The following ACVR1C variants were observed in gnomAD, a reference collection of about 807,000 sequenced individuals.
The protein encoded by ACVR1C is activin receptor type-1C.
ACVR1C carries 23 observed loss-of-function variants against 57.9 expected under a neutral mutation model. The observed-to-expected ratio is 0.40, with a 90% CI of 0.29 to 0.56. The LOEUF is 0.56. Among genes scored for constraint, ACVR1C ranks in the 20% least tolerant of loss-of-function variants. The pLI, the probability that ACVR1C is intolerant of heterozygous loss-of-function variation, is 0.50. For missense variants in ACVR1C, 480 were observed against 607.9 expected (o/e 0.79, Z 2.21); for synonymous variants, 214 against 215.3 (o/e 0.99, Z 0.05).
chr2:157,583,078 C>T (rs571457870), intron 2 of ACVR1C, among the ~76,000 whole-genome samples: 1 of 152,212 alleles, frequency 6.6e-6, no homozygotes, highest in South Asian at 2.1e-4. Flanking sequence ...CCAGGCTGGT[C>T]TCATACTCCC....
chr2:157,555,205 G>A (rs1253679988), intron 3 of ACVR1C, among the ~76,000 whole-genome samples: 1 of 136,484 alleles, frequency 7.3e-6, no homozygotes, highest in Non-Finnish European at 1.5e-5. Flanking sequence ...TGCAAGCTCC[G>A]CTTCCCGGGT....
At chr2:157,540,747 C>A (rs1687608139) in intron 7 of ACVR1C, among the ~76,000 whole-genome samples, 1 of 152,202 alleles carries the variant, frequency 6.6e-6, no homozygotes, top group East Asian at 1.9e-4. Flanking sequence ...CCCTTCAAGT[C>A]CTGTTGCCTC....
chr2:157,544,394 AC>A (rs1687692766), intron 5 of ACVR1C, 50 bp downstream of exon 5: 1 of 1,480,250 alleles, frequency 6.8e-7, no homozygotes, highest in African/African-American at 1.4e-5. Context: ...ATAACTAAGT[AC>A]CTCTATCCTC....
intron 7 of ACVR1C, 122 bp downstream of exon 7, chr2:157,540,968 T>C: frequency 1.7e-6 from 2 of 1,207,880 alleles, no homozygotes; most frequent in Non-Finnish European, 2.3e-6. Context: ...CACCAAAAGG[T>C]ATTCTCTTAA....
chr2:157,617,143 C>A (rs773223085), intron 1 of ACVR1C, among the ~76,000 whole-genome samples: 2 of 151,860 alleles, frequency 1.3e-5, no homozygotes, highest in Non-Finnish European at 2.9e-5. Flanking sequence ...AGAAAATTGG[C>A]ATGGTTATAT....
chr2:157,597,517 A>G lies in ACVR1C; in HGVS notation c.74-10100T>C, dbSNP rs922518875. 4 of 985,266 alleles carry G rather than the reference A, an allele frequency of 4.1e-6. No homozygotes were observed. In the African/African-American group the frequency reaches 7.0e-5, roughly 17 times the overall value. 61.0% of individuals were successfully genotyped at this position (985,266 alleles called of 1,614,324 possible). ...TGGCGCAGTGAATTCGGCCCCGACG[A>G]CAGCTCCCGCGGGGCTCGGCCACCT... On this transcript the variant is annotated intron_variant, in intron 1 of 8. Coordinates refer to ENST00000243349, the MANE Select transcript of ACVR1C (RefSeq NM_145259.3).
In ACVR1C at chr2:157,612,199, C is replaced by T. The variant is rs138063722; in HGVS notation, c.73+16373G>A. 4.1e-3 allele frequency among the ~76,000 whole-genome samples: 631 copies of T among 152,238 alleles called. 4 individuals are homozygous for T. The highest frequency in any genetic ancestry group is 0.014 in the African/African-American group (598 of 41,528). The stretch of plus-strand genomic sequence containing the variant: ...GTTCTGGGTAGCACTTACTTCAGCT[C>T]CTGGCTGCAGAAGTGACTGCAATGT... On this transcript the variant is annotated intron_variant, in intron 1 of 8. Transcript: ENST00000243349.
chr2:157,550,073 T>A, intron 4 of ACVR1C, 89 bp downstream of exon 4: 1 of 1,076,798 alleles, frequency 9.3e-7, no homozygotes, highest in Non-Finnish European at 1.3e-6. Context: ...TTTTTTCTTA[T>A]CTGATACTAG....
At chr2:157,544,811 T>C (rs548253226) in intron 4 of ACVR1C, among the ~76,000 whole-genome samples, 199 bp from the exon 5 acceptor site, 132 of 152,344 alleles carry the variant, frequency 8.7e-4, no homozygotes, top group South Asian at 6.6e-3. Flanking sequence ...ACTTGTTATA[T>C]GTGCCCACCA....
chr2:157,546,420 A>C (rs967884172), intron 4 of ACVR1C, among the ~76,000 whole-genome samples: 1 of 152,238 alleles, frequency 6.6e-6, no homozygotes, highest in Admixed American at 6.5e-5. Context: ...CTAAATGCTA[A>C]GCCTCTCTTT....
At chr2:157,626,728 A>C (rs1176541804) in intron 1 of ACVR1C, among the ~76,000 whole-genome samples, 5 of 152,270 alleles carry the variant, frequency 3.3e-5, no homozygotes, top group Admixed American at 1.3e-4. Flanking sequence ...ATATAAAGTT[A>C]AGAATAAATA....
chr2:157,584,886 G>T (rs1447273904), intron 2 of ACVR1C, among the ~76,000 whole-genome samples: 2 of 152,136 alleles, frequency 1.3e-5, no homozygotes, highest in Admixed American at 1.3e-4. Flanking sequence ...CATAGAATGG[G>T]ACATTATTCA....
In ACVR1C at chr2:157,527,275, T is replaced by C. The variant is rs989345085; in HGVS notation, c.*6643A>G. On this transcript the variant is annotated 3_prime_UTR_variant, in exon 9 of 9. Transcript: ENST00000243349. Reference sequence around the variant, plus strand: ...TTTTAAAACCTAATTTATTTTTTCATATTCCTTCCTTATATACATTCCTTT... The same window carrying C: ...TTTTAAAACCTAATTTATTTTTTCACATTCCTTCCTTATATACATTCCTTT... The C allele has an allele frequency of 5.9e-5, 9 of 152,232 alleles. No individual in the cohort carries two copies. Among genetic ancestry groups the C allele is most frequent in the South Asian group, 4.1e-4 (2 of 4,832 alleles). 9.4% of individuals were successfully genotyped at this position (152,232 alleles called of 1,614,324 possible). A position where few individuals can be genotyped will look rare whatever the true frequency, so the allele number is the denominator to read the frequency against.
intron 2 of ACVR1C, among the ~76,000 whole-genome samples, chr2:157,557,290 T>C (rs963636127): frequency 6.6e-6 from 1 of 152,214 alleles, no homozygotes; most frequent in African/African-American, 2.4e-5. Flanking sequence ...CGATCTAACT[T>C]TTATTCTGAG....
intron 2 of ACVR1C, among the ~76,000 whole-genome samples, chr2:157,586,017 C>T (rs1448233349): frequency 6.6e-6 from 1 of 152,062 alleles, no homozygotes; most frequent in Non-Finnish European, 1.5e-5. Context: ...CATGATATTA[C>T]ATAACACTGA....
chr2:157,612,647 C>T (rs1208308886), intron 1 of ACVR1C, among the ~76,000 whole-genome samples: 1 of 152,224 alleles, frequency 6.6e-6, no homozygotes, highest in Non-Finnish European at 1.5e-5. Flanking sequence ...AGGGAACTCT[C>T]AGGCTATGGA....
At chr2:157,562,303 A>T (rs76934932) in intron 2 of ACVR1C, among the ~76,000 whole-genome samples, 5,971 of 129,642 alleles carry the variant, frequency 0.046, 151 homozygotes, top group Middle Eastern at 0.12. Flanking sequence ...CAAAAAAAAA[A>T]AAATATATAT....
Position 157,585,026 on chromosome 2 carries a change from T to C in ACVR1C, c.304+2161A>G, listed in dbSNP as rs1688881908. On this transcript the variant is annotated intron_variant, in intron 2 of 8. Transcript: ENST00000243349. Reference sequence around the variant, plus strand: ...CATAATGACTCCTTTCATGGGAAACTCTAGGAAAAATAAATCCCATCTACA... The same window carrying C: ...CATAATGACTCCTTTCATGGGAAACCCTAGGAAAAATAAATCCCATCTACA... Among the ~76,000 whole-genome samples the C allele has an allele frequency of 2.6e-5, 4 of 152,102 alleles. 1 individual carries two copies. The South Asian group carries it at 8.3e-4, about 32-fold the overall frequency.
intron 2 of ACVR1C, among the ~76,000 whole-genome samples, chr2:157,558,396 A>G (rs1205586055): frequency 6.6e-6 from 1 of 152,212 alleles, no homozygotes; most frequent in Admixed American, 6.5e-5. Context: ...CACTTTACCT[A>G]CAATGTGTCA....
Sources: gnomAD v4.1 joint callset for allele counts (sites outside exome capture counted in the v4.1 genomes callset) on GRCh38, gnomAD v4.1.1 for gene constraint, MANE v1.5 for transcripts, NCBI Gene and HGNC (gene_info 2026-07-23, HGNC 2026-07-21) for gene names.